The following MYO3B variants were observed in gnomAD, a reference collection of about 807,000 sequenced individuals.
The protein encoded by MYO3B is myosin IIIB, also known as myosin-IIIb.
Under a neutral mutation model 174.6 loss-of-function variants are expected in MYO3B, and 156 were observed. The observed-to-expected ratio is 0.89, with a 90% CI of 0.78 to 1.02. The LOEUF (loss-of-function observed/expected upper bound fraction) is 1.02. MYO3B is among the 50% of genes least tolerant of loss of function. MYO3B has a pLI of 0.00. For missense variants in MYO3B, 1,632 were observed against 1,639.4 expected (o/e 1.00, Z 0.08); for synonymous variants, 563 against 569.1 (o/e 0.99, Z 0.15).
chr2:170,448,084 A>G (rs927661383), intron 23 of MYO3B, among the ~76,000 whole-genome samples: 2 of 151,598 alleles, frequency 1.3e-5, no homozygotes, highest in African/African-American at 2.4e-5. Flanking sequence ...CAGCTGCTTG[A>G]CTCCTATACC....
Position 170,654,458 on chromosome 2 carries a change from A to C in MYO3B, c.*1337A>C, listed in dbSNP as rs1699179505. 6.6e-6 allele frequency: 1 copy of C among 152,020 alleles called. No homozygotes were observed. Among genetic ancestry groups the C allele is most frequent in the Non-Finnish European group, 1.5e-5 (1 of 68,024 alleles). The allele number at this position is 152,020 out of a possible 1,614,324, so 9.4% of individuals were successfully genotyped here. On this transcript the variant is annotated 3_prime_UTR_variant, in exon 35 of 35. Coordinates refer to ENST00000408978, the MANE Select transcript of MYO3B (RefSeq NM_138995.5). ...CGAGACCAGCCTGACCAACATGGTGAAACCCCGTCTCTACTAAAAAAAATA... is the reference window on the plus strand; with the variant it reads ...CGAGACCAGCCTGACCAACATGGTGCAACCCCGTCTCTACTAAAAAAAATA...
chr2:170,272,689 T>C (rs906672339), intron 7 of MYO3B, among the ~76,000 whole-genome samples: 1 of 152,082 alleles, frequency 6.6e-6, no homozygotes, highest in Admixed American at 6.6e-5. Flanking sequence ...TAATGAGAGG[T>C]GACTGGACCA....
chr2:170,542,257 T>C (rs1690162889), intron 30 of MYO3B, among the ~76,000 whole-genome samples: 1 of 152,224 alleles, frequency 6.6e-6, no homozygotes, highest in Admixed American at 6.5e-5. Context: ...TACACTCTTA[T>C]ACAATGTGTT....
intron 7 of MYO3B, among the ~76,000 whole-genome samples, chr2:170,296,143 G>A (rs748361098): frequency 2.0e-4 from 31 of 152,334 alleles, no homozygotes; most frequent in Middle Eastern, 3.4e-3. Flanking sequence ...CCCAGTGAGA[G>A]ACAGGCCCTA....
chr2:170,194,842 C>T (rs1234338301), intron 1 of MYO3B, among the ~76,000 whole-genome samples: 1 of 152,176 alleles, frequency 6.6e-6, no homozygotes, highest in Non-Finnish European at 1.5e-5. Context: ...AGCCTTCTGT[C>T]TGTGGCCAAA....
At chr2:170,373,504 G>T (rs759305638) in intron 9 of MYO3B, among the ~76,000 whole-genome samples, 24 of 152,300 alleles carry the variant, frequency 1.6e-4, no homozygotes, top group South Asian at 1.2e-3. Flanking sequence ...GGTAAGGAAC[G>T]TTCAGTCCAC....
intron 32 of MYO3B, among the ~76,000 whole-genome samples, chr2:170,621,515 G>GTTTT (rs145064554): frequency 6.9e-6 from 1 of 144,704 alleles, no homozygotes; most frequent in Non-Finnish European, 1.5e-5. Context: ...TTGTTTTTTT[G>GTTTT]TTTTTTTGTT....
At chr2:170,324,396 T>C (rs531091725) in intron 7 of MYO3B, among the ~76,000 whole-genome samples, 1 of 152,302 alleles carries the variant, frequency 6.6e-6, no homozygotes, top group African/African-American at 2.4e-5. Flanking sequence ...AATGAGGAAA[T>C]TTCATGCCCA....
chr2:170,392,486 C>T lies in MYO3B; in HGVS notation c.1782C>T (p.Phe594=), dbSNP rs757629003. The T allele has an allele frequency of 2.5e-5, 39 of 1,551,358 alleles. No homozygotes were observed. The South Asian group carries it at 4.6e-4, about 18-fold the overall frequency. ...AGCATTGCTTCAGGATTATAGGGTTCACGGACAAAGTAAGTGATGATCAAG... is the reference window on the plus strand; with the variant it reads ...AGCATTGCTTCAGGATTATAGGGTTTACGGACAAAGTAAGTGATGATCAAG... ...AIQHCFRIIG[F]TDKEVHSVYR... The change falls in exon 16 of 35, where the codon TTC becomes TTT. Residue 594 remains phenylalanine (F), a synonymous_variant. Transcript: ENST00000408978.
chr2:170,329,166 C>A (rs542651944), intron 7 of MYO3B, among the ~76,000 whole-genome samples: 3 of 142,638 alleles, frequency 2.1e-5, no homozygotes, highest in Non-Finnish European at 3.0e-5. Context: ...AAAAAAAATA[C>A]TACTACTACT....
intron 32 of MYO3B, among the ~76,000 whole-genome samples, chr2:170,639,048 C>G (rs1055211435): frequency 6.6e-6 from 1 of 152,204 alleles, no homozygotes; most frequent in African/African-American, 2.4e-5. Context: ...TCCCCTGCTG[C>G]AGGGAATCAA....
chr2:170,224,662 G>T (rs183892528), intron 6 of MYO3B, among the ~76,000 whole-genome samples: 1 of 151,860 alleles, frequency 6.6e-6, no homozygotes, highest in Admixed American at 6.6e-5. Flanking sequence ...AACAGCTAAC[G>T]GTCTGTTTCT....
chr2:170,279,602 T>A (rs1392689898), intron 7 of MYO3B, among the ~76,000 whole-genome samples: 1 of 152,014 alleles, frequency 6.6e-6, no homozygotes, highest in African/African-American at 2.4e-5. Flanking sequence ...CTTTTCTGCT[T>A]CTCTCCCTCC....
intron 30 of MYO3B, among the ~76,000 whole-genome samples, chr2:170,530,637 A>C (rs921337589): frequency 2.6e-5 from 4 of 152,180 alleles, no homozygotes; most frequent in Admixed American, 2.0e-4. Flanking sequence ...ACTGACTGGC[A>C]GGAAGCACCT....
intron 7 of MYO3B, among the ~76,000 whole-genome samples, chr2:170,283,897 G>C (rs1396404483): frequency 6.6e-6 from 1 of 152,222 alleles, no homozygotes; most frequent in Non-Finnish European, 1.5e-5. Flanking sequence ...GGATGAGTGA[G>C]TGCAAAGATG....
intron 3 of MYO3B, among the ~76,000 whole-genome samples, chr2:170,209,375 C>T (rs1456601045): frequency 6.6e-6 from 1 of 152,110 alleles, no homozygotes; most frequent in African/African-American, 2.4e-5. Context: ...CTCTGAAAAA[C>T]AAAACAAGGG....
At chr2:170,294,843 G>A (rs1399377816) in intron 7 of MYO3B, among the ~76,000 whole-genome samples, 1 of 152,080 alleles carries the variant, frequency 6.6e-6, no homozygotes, top group Non-Finnish European at 1.5e-5. Flanking sequence ...TCTGGTGGAA[G>A]ATATTGAGAA....
At chr2:170,610,804 G>A (rs562818293) in intron 32 of MYO3B, among the ~76,000 whole-genome samples, 2 of 152,266 alleles carry the variant, frequency 1.3e-5, no homozygotes, top group Admixed American at 6.5e-5. Context: ...TCGCATTTGG[G>A]TAGTAGATGA....
At chr2:170,341,148 C>T (rs916170223) in intron 8 of MYO3B, 3 of 152,196 alleles carry the variant, frequency 2.0e-5, no homozygotes, top group African/African-American at 7.2e-5. Flanking sequence ...AGATCTGGAA[C>T]ATTTGCGTTC....
Sources: allele counts gnomAD v4.1 joint callset (sites outside exome capture counted in the v4.1 genomes callset), GRCh38; gene constraint gnomAD v4.1.1; transcripts MANE v1.5; gene names NCBI Gene and HGNC (gene_info 2026-07-23, HGNC 2026-07-21).